The following CNTNAP2 variants were observed in gnomAD, a reference collection of about 807,000 sequenced individuals.
CNTNAP2 encodes contactin associated protein 2.
CNTNAP2 carries 98 observed loss-of-function variants against 155.2 expected under a neutral mutation model. The ratio of observed to expected loss-of-function variants is 0.63; its 90% CI spans 0.54 to 0.75. The LOEUF (loss-of-function observed/expected upper bound fraction) is 0.75, where lower values mean the gene tolerates loss of function less well. Ranked by LOEUF, CNTNAP2 falls within the 30% of genes least tolerant of loss-of-function variation. The pLI, the probability that CNTNAP2 is intolerant of heterozygous loss-of-function variation, is 0.00. For missense variants in CNTNAP2, 1,727 were observed against 1,688.1 expected, an observed-to-expected ratio of 1.02 and a Z score of -0.40; for synonymous variants, 651 against 631.2, an observed-to-expected ratio of 1.03 and a Z score of -0.47.
intron 3 of CNTNAP2, among the ~76,000 whole-genome samples, chr7:146,849,495 G>T (rs577700266): frequency 7.2e-5 from 11 of 152,286 alleles, no homozygotes; most frequent in Non-Finnish European, 1.3e-4. Flanking sequence ...GATATTTATA[G>T]AACAAGATAG....
chr7:146,866,438 A>T (rs1305498909), intron 3 of CNTNAP2, among the ~76,000 whole-genome samples: 1 of 152,110 alleles, frequency 6.6e-6, no homozygotes, highest in South Asian at 2.1e-4. Flanking sequence ...CATATTAATA[A>T]TTTATTTAAC....
At chr7:146,133,686 CTTGT>C (rs1208712667) in intron 1 of CNTNAP2, among the ~76,000 whole-genome samples, 1 of 152,100 alleles carries the variant, frequency 6.6e-6, no homozygotes, top group African/African-American at 2.4e-5. Context: ...TTCCCCATTG[CTTGT>C]TTTTCTCAGG....
At chr7:146,840,093 G>T (rs1803691909) in intron 3 of CNTNAP2, among the ~76,000 whole-genome samples, 189 bp downstream of exon 3, 2 of 152,304 alleles carry the variant, frequency 1.3e-5, no homozygotes, top group South Asian at 2.1e-4. Flanking sequence ...TTAAAGCAAT[G>T]ATTCTAGATC....
chr7:148,379,813 T>TC (rs1392632805), intron 21 of CNTNAP2, among the ~76,000 whole-genome samples: 1 of 152,256 alleles, frequency 6.6e-6, no homozygotes, highest in African/African-American at 2.4e-5. Flanking sequence ...CACAGCTCTG[T>TC]CCTCCGTGGA....
At chr7:146,987,381 A>T in intron 3 of CNTNAP2, among the ~76,000 whole-genome samples, 1 of 152,138 alleles carries the variant, frequency 6.6e-6, no homozygotes, top group East Asian at 1.9e-4. Context: ...TGCATAATGC[A>T]CCTGTATTTT....
chr7:147,574,780 T>G (rs2116814408), intron 12 of CNTNAP2, among the ~76,000 whole-genome samples: 1 of 152,226 alleles, frequency 6.6e-6, no homozygotes, highest in Non-Finnish European at 1.5e-5. Context: ...TTTGTAATAC[T>G]TGGTTCTTCT....
intron 21 of CNTNAP2, among the ~76,000 whole-genome samples, chr7:148,355,250 C>T (rs547360417): frequency 2.5e-5 from 3 of 121,764 alleles, no homozygotes; most frequent in South Asian, 5.9e-4. Flanking sequence ...GGTGCGATCT[C>T]GGCTCACTAC....
At chr7:146,376,875 C>T (rs187625672) in intron 1 of CNTNAP2, among the ~76,000 whole-genome samples, 1 of 152,154 alleles carries the variant, frequency 6.6e-6, no homozygotes, top group African/African-American at 2.4e-5. Context: ...CCTTTTCCAC[C>T]ATGTCAGGAT....
chr7:147,335,103 T>C (rs1795643406), intron 9 of CNTNAP2, among the ~76,000 whole-genome samples: 1 of 152,184 alleles, frequency 6.6e-6, no homozygotes, highest in African/African-American at 2.4e-5. Flanking sequence ...GTATTCAGTT[T>C]ATATTAAATT....
intron 12 of CNTNAP2, among the ~76,000 whole-genome samples, chr7:147,563,311 T>A (rs1800100537): frequency 2.0e-5 from 3 of 152,040 alleles, no homozygotes; most frequent in Admixed American, 2.0e-4. Context: ...GATGAAAAAA[T>A]TTAAAGGCTT....
intron 1 of CNTNAP2, among the ~76,000 whole-genome samples, chr7:146,397,977 G>A (rs1042515121): frequency 8.6e-5 from 13 of 151,108 alleles, no homozygotes; most frequent in African/African-American, 2.2e-4. Flanking sequence ...GGGCTCAAGC[G>A]ATTCTCCCAC....
intron 10 of CNTNAP2, among the ~76,000 whole-genome samples, chr7:147,416,027 C>T (rs1397781197): frequency 6.6e-6 from 1 of 152,128 alleles, no homozygotes; most frequent in African/African-American, 2.4e-5. Flanking sequence ...TCCTTTAATC[C>T]CAAACCAACT....
At chr7:147,670,896 C>T (rs1000934776) in intron 13 of CNTNAP2, among the ~76,000 whole-genome samples, 4 of 152,208 alleles carry the variant, frequency 2.6e-5, no homozygotes, top group Non-Finnish European at 5.9e-5. Context: ...GACGACTCAG[C>T]TGTTAACACT....
At chr7:147,676,251 G>C (rs1487895056) in intron 13 of CNTNAP2, among the ~76,000 whole-genome samples, 1 of 151,812 alleles carries the variant, frequency 6.6e-6, no homozygotes, top group Non-Finnish European at 1.5e-5. Flanking sequence ...GAATTAAATG[G>C]AAAAAAATGT....
chr7:146,606,204 G>A (rs908153425), intron 1 of CNTNAP2, among the ~76,000 whole-genome samples: 1 of 152,058 alleles, frequency 6.6e-6, no homozygotes, highest in Non-Finnish European at 1.5e-5. Context: ...TGTGATATCA[G>A]AATAATTAGA....
intron 15 of CNTNAP2, among the ~76,000 whole-genome samples, chr7:148,059,745 TAC>T (rs958405088): frequency 1.2e-4 from 18 of 148,832 alleles, no homozygotes; most frequent in Admixed American, 4.0e-4. Context: ...ATTTATACTA[TAC>T]ATATATTTAT....
At position 146,774,188 on chromosome 7, in the gene CNTNAP2, A is replaced by G. The variant is rs1802346503; in HGVS notation, c.98-83A>G. On this transcript the variant is annotated intron_variant, in intron 1 of 23. Coordinates refer to ENST00000361727, the MANE Select transcript of CNTNAP2 (RefSeq NM_014141.6). ...ATACATAAAAGACATATCAGATTCA[A>G]TGATTTTTTAACCAACACATACCAA... is the stretch of plus-strand genomic sequence containing the variant. 8.4e-6 allele frequency: 8 copies of G among 950,566 alleles called. No individual in the cohort carries two copies. The Middle Eastern group carries it at 1.5e-3, about 175-fold the overall frequency. 58.9% of individuals were successfully genotyped at this position (950,566 alleles called of 1,614,324 possible). A position where few individuals can be genotyped will look rare whatever the true frequency, so the allele number is the denominator to read the frequency against.
At chr7:148,270,194 C>A (rs1199013294) in intron 21 of CNTNAP2, among the ~76,000 whole-genome samples, 1 of 152,174 alleles carries the variant, frequency 6.6e-6, no homozygotes, top group African/African-American at 2.4e-5. Flanking sequence ...ATAAAGGCCA[C>A]ATTTTCTACA....
At chr7:148,123,352 C>T (rs1804640120) in intron 16 of CNTNAP2, among the ~76,000 whole-genome samples, 1 of 152,114 alleles carries the variant, frequency 6.6e-6, no homozygotes, top group South Asian at 2.1e-4. Flanking sequence ...CTTTAGGAGG[C>T]TGAAGGGGGA....
Sources: gnomAD v4.1 joint callset for allele counts (sites outside exome capture counted in the v4.1 genomes callset) on GRCh38, gnomAD v4.1.1 for gene constraint, MANE v1.5 for transcripts, NCBI Gene and HGNC (gene_info 2026-07-23, HGNC 2026-07-21) for gene names.